The following LARGE1 variants were observed in gnomAD, a reference collection of about 807,000 sequenced individuals.
LARGE1 encodes LARGE xylosyl- and glucuronyltransferase 1, also known as xylosyl- and glucuronyltransferase LARGE1.
A neutral mutation model predicts 87.6 loss-of-function variants in LARGE1; 43 were observed. The ratio of observed to expected loss-of-function variants is 0.49; its 90% CI spans 0.38 to 0.63. LARGE1 has a LOEUF of 0.63. Ranked by LOEUF, LARGE1 falls within the 30% of genes least tolerant of loss-of-function variation. The pLI is 0.00. For synonymous variants in LARGE1, 434 were observed against 394.6 expected, an observed-to-expected ratio of 1.10 and a Z score of -1.18; for missense variants, 802 against 1,000.2, an observed-to-expected ratio of 0.80 and a Z score of 2.67.
At chr22:33,433,906 C>A (rs555441649) in intron 6 of LARGE1, among the ~76,000 whole-genome samples, 3 of 152,042 alleles carry the variant, frequency 2.0e-5, no homozygotes, top group South Asian at 4.1e-4. Context: ...GTAATATATT[C>A]GATCAATTTT....
Position 33,735,925 on chromosome 22 carries a change from A to G in LARGE1, c.106+25446T>C, listed in dbSNP as rs142916418. 8.5e-5 allele frequency among the ~76,000 whole-genome samples: 13 copies of G among 152,344 alleles called. No individual in the cohort carries two copies. The East Asian group carries it at 2.3e-3, about 27-fold the overall frequency. On this transcript the variant is annotated intron_variant, in intron 2 of 14. Coordinates refer to ENST00000397394, the MANE Select transcript of LARGE1 (RefSeq NM_133642.5). Reference sequence around the variant, plus strand: ...CTTTGGTATCTGGCTTCTTCCACGTAGCGTGTTTTCAAATTTCACCCATGT... The same window carrying G: ...CTTTGGTATCTGGCTTCTTCCACGTGGCGTGTTTTCAAATTTCACCCATGT...
At chr22:33,196,605 C>T (rs938665008) in intron 11 of LARGE1, among the ~76,000 whole-genome samples, 9 of 148,842 alleles carry the variant, frequency 6.0e-5, no homozygotes, top group Admixed American at 1.3e-4. Flanking sequence ...TAAAATTTTT[C>T]GCAAAATAGG....
intron 1 of LARGE1, among the ~76,000 whole-genome samples, chr22:33,778,401 C>G (rs1273007998): frequency 1.3e-5 from 2 of 152,174 alleles, no homozygotes; most frequent in Admixed American, 6.5e-5. Flanking sequence ...AGTACATTCA[C>G]GATGTTGAGC....
At position 33,453,482 on chromosome 22, in the gene LARGE1, A is replaced by C. The variant is rs191807047; in HGVS notation, c.788-21217T>G. Among the ~76,000 whole-genome samples the C allele has an allele frequency of 6.8e-4, 104 of 152,228 alleles. 1 individual carries two copies. Among genetic ancestry groups the C allele is most frequent in the African/African-American group, 2.3e-3 (94 of 41,562 alleles). On this transcript the variant is annotated intron_variant, in intron 6 of 14. Coordinates refer to ENST00000397394, the MANE Select transcript of LARGE1 (RefSeq NM_133642.5). ...GCTACATACTTCAGTCTGATCTCCC[A>C]GGGAGTGACCAAAACTACCACCACT...
chr22:33,636,083 C>A (rs183921461), intron 3 of LARGE1, among the ~76,000 whole-genome samples: 5 of 152,288 alleles, frequency 3.3e-5, no homozygotes, highest in Admixed American at 2.6e-4. Context: ...CTGCATATCC[C>A]AGTCTGCTTT....
chr22:33,217,044 A>C (rs1450400526), intron 11 of LARGE1, among the ~76,000 whole-genome samples: 1 of 152,210 alleles, frequency 6.6e-6, no homozygotes, highest in African/African-American at 2.4e-5. Context: ...AATGTGGAAC[A>C]ATGGGGACTC....
chr22:33,728,529 A>G (rs1326796111), intron 2 of LARGE1, among the ~76,000 whole-genome samples: 1 of 129,406 alleles, frequency 7.7e-6, no homozygotes, highest in East Asian at 2.5e-4. Flanking sequence ...ACAAAGCGAG[A>G]CTCCGTCTCC....
At chr22:33,097,055 A>G in the LARGE1 span, among the ~76,000 whole-genome samples, 1 of 152,150 alleles carries the variant, frequency 6.6e-6, no homozygotes, top group Non-Finnish European at 1.5e-5. Context: ...GGAAAGAGGG[A>G]GTGAGTGTTT....
rs117647878 is a variant in LARGE1 at position 33,325,637 on chromosome 22, T to C, written c.1288-9389A>G. Among the ~76,000 whole-genome samples the C allele has an allele frequency of 8.9e-4, 136 of 152,222 alleles. 2 individuals carry two copies. In the East Asian group the frequency reaches 0.024, roughly 27 times the overall value. ...ACTAACAGGCACATTTGAATGCTTGTAGCCTGTAAGTGATGGAGACATAGT... is the reference window on the plus strand; with the variant it reads ...ACTAACAGGCACATTTGAATGCTTGCAGCCTGTAAGTGATGGAGACATAGT... On this transcript the variant is annotated intron_variant, in intron 10 of 14. Transcript: ENST00000397394.
intron 11 of LARGE1, among the ~76,000 whole-genome samples, chr22:33,184,087 A>ATTATATATAT (rs1454353003): frequency 4.1e-5 from 2 of 48,550 alleles, no homozygotes; most frequent in East Asian, 3.2e-4. Flanking sequence ...TAATCAGTAC[A>ATTATATATAT]CTATATATAT....
intron 4 of LARGE1, among the ~76,000 whole-genome samples, chr22:33,609,417 A>G (rs1296301594): frequency 6.6e-6 from 1 of 152,216 alleles, no homozygotes. Context: ...GGAGGAGCAC[A>G]AAAGCTACAT....
intron 3 of LARGE1, among the ~76,000 whole-genome samples, chr22:33,634,645 T>C (rs2080211769): frequency 6.6e-6 from 1 of 151,194 alleles, no homozygotes; most frequent in South Asian, 2.1e-4. Context: ...TGAGAATGGG[T>C]ATAGGCTTCT....
chr22:33,864,904 G>A (rs1041893375), intron 1 of LARGE1, among the ~76,000 whole-genome samples: 6 of 152,074 alleles, frequency 3.9e-5, no homozygotes, highest in African/African-American at 1.2e-4. Context: ...TCTATCTCTC[G>A]CTCACTCTCT....
intron 9 of LARGE1, among the ~76,000 whole-genome samples, chr22:33,344,933 C>T (rs1156465952): frequency 3.3e-5 from 5 of 152,174 alleles, no homozygotes; most frequent in African/African-American, 1.2e-4. Flanking sequence ...CATTTATTGA[C>T]AGGCTTTCAC....
intron 9 of LARGE1, among the ~76,000 whole-genome samples, chr22:33,366,737 T>A (rs1412460949): frequency 2.6e-5 from 4 of 152,230 alleles, no homozygotes; most frequent in Non-Finnish European, 5.9e-5. Flanking sequence ...CAATTACACC[T>A]CTTTCCTTTA....
chr22:33,331,606 C>T (rs868013666), intron 10 of LARGE1, among the ~76,000 whole-genome samples: 33 of 152,208 alleles, frequency 2.2e-4, no homozygotes, highest in African/African-American at 7.5e-4. Flanking sequence ...CGGGGTTTCG[C>T]CATGTTAGCC....
At chr22:33,519,167 A>C (rs2071446009) in intron 6 of LARGE1, among the ~76,000 whole-genome samples, 1 of 152,178 alleles carries the variant, frequency 6.6e-6, no homozygotes, top group South Asian at 2.1e-4. Context: ...GTCAAGACAG[A>C]GGAATCCTGA....
chr22:33,349,697 A>G (rs1940173401), intron 9 of LARGE1, among the ~76,000 whole-genome samples: 1 of 152,152 alleles, frequency 6.6e-6, no homozygotes, highest in South Asian at 2.1e-4. Context: ...CTATTAAATA[A>G]AAATTAAATA....
At chr22:33,516,586 A>C (rs757359830) in intron 6 of LARGE1, among the ~76,000 whole-genome samples, 1 of 146,280 alleles carries the variant, frequency 6.8e-6, no homozygotes, top group Non-Finnish European at 1.5e-5. Context: ...ACTTCCTCCT[A>C]TTATTATTAT....
Sources: allele counts gnomAD v4.1 joint callset (sites outside exome capture counted in the v4.1 genomes callset), GRCh38; gene constraint gnomAD v4.1.1; transcripts MANE v1.5; gene names NCBI Gene and HGNC (gene_info 2026-07-23, HGNC 2026-07-21).